Variants in CEACAM7 observed in about 807,000 individuals in gnomAD.
CEACAM7 encodes the protein cell adhesion molecule CEACAM7.
Under a neutral mutation model 25.7 loss-of-function variants are expected in CEACAM7, and 24 were observed. The observed-to-expected ratio is 0.93, with a 90% confidence interval of 0.68 to 1.31. The LOEUF (loss-of-function observed/expected upper bound fraction) is 1.31. Ranked by LOEUF, CEACAM7 falls within the 40% of genes most tolerant of loss-of-function variation. The probability of loss-of-function intolerance (pLI) is 0.00; values close to 1 mark genes in which losing one functional copy is unlikely to be tolerated. For missense variants in CEACAM7, 324 were observed against 330.1 expected (o/e 0.98, Z 0.14); for synonymous variants, 144 against 129.4 (o/e 1.11, Z -0.77).
chr19:41,684,683 T>C (rs782400610), intron 2 of CEACAM7, among the ~76,000 whole-genome samples: 9 of 151,924 alleles, frequency 5.9e-5, no homozygotes, highest in Non-Finnish European at 1.0e-4. Flanking sequence ...CAGAAGAAGA[T>C]AGAGAAAGGG....
At chr19:41,676,747 A>G (rs1165594003) in intron 4 of CEACAM7, among the ~76,000 whole-genome samples, 1 of 152,202 alleles carries the variant, frequency 6.6e-6, no homozygotes, top group African/African-American at 2.4e-5. Flanking sequence ...TAACTCCACA[A>G]TGCAGGTGGT....
intron 2 of CEACAM7, among the ~76,000 whole-genome samples, chr19:41,685,311 C>CT (rs1174013598): frequency 9.4e-5 from 14 of 149,224 alleles, no homozygotes; most frequent in South Asian, 2.1e-4. Flanking sequence ...TGGGTGGCTT[C>CT]TTTTTTTTTT....
At chr19:41,677,335 C>G in intron 4 of CEACAM7, 41 bp downstream of exon 4, 1 of 1,084,408 alleles carries the variant, frequency 9.2e-7, no homozygotes, top group Non-Finnish European at 1.4e-6. Context: ...GGCAGTCAGC[C>G]CTGCAGGAAA....
At position 41,687,197 on chromosome 19, in the gene CEACAM7, A is replaced by G; in HGVS notation, c.89T>C (p.Leu30Pro). 1 of 1,605,880 alleles carries G rather than the reference A, an allele frequency of 6.2e-7. No individual in the cohort carries two copies. Among genetic ancestry groups the G allele is most frequent in the Non-Finnish European group, 8.5e-7 (1 of 1,175,256 alleles). ...LTASLLTFWN[L>P]PNSAQTNIDV... The stretch of plus-strand genomic sequence containing the variant: ...AATATTGGTCTGGGCACTGTTTGGC[A>G]GGTTCCAGAAGGTTAAAAGCGAGGC... Residue 30 changes from leucine to proline, a missense_variant, in exon 2 of 5, where the codon CTG (leucine) becomes CCG (proline). Physicochemically the swap from Leu to Pro is moderately conservative, Grantham distance 98 (BLOSUM62 -3). Coordinates refer to ENST00000401731, the MANE Select transcript of CEACAM7 (RefSeq NM_001291485.2).
chr19:41,681,643 A>T (rs1555810713), intron 3 of CEACAM7, among the ~76,000 whole-genome samples: 1 of 152,212 alleles, frequency 6.6e-6, no homozygotes, highest in African/African-American at 2.4e-5. Context: ...TTACACACTC[A>T]TGAGACTCAA....
intron 3 of CEACAM7, among the ~76,000 whole-genome samples, chr19:41,683,493 C>A (rs1555810866): frequency 6.6e-6 from 1 of 152,218 alleles, no homozygotes; most frequent in Non-Finnish European, 1.5e-5. Flanking sequence ...AATCACAATC[C>A]TGAAGTCCCA....
chr19:41,683,078 T>C (rs1003947238), intron 3 of CEACAM7, among the ~76,000 whole-genome samples: 2 of 152,216 alleles, frequency 1.3e-5, no homozygotes, highest in Non-Finnish European at 2.9e-5. Context: ...TTTTTTCAGC[T>C]CTTCCTTAAC....
chr19:41,688,044 A>G, intron 1 of CEACAM7, 58 bp downstream of exon 1: 3 of 1,507,906 alleles, frequency 2.0e-6, no homozygotes, highest in Non-Finnish European at 2.7e-6. Flanking sequence ...TCCCAAGGAG[A>G]CCCCAGCCAG....
At chr19:41,678,315 ATATGTATATG>A (rs2072137398) in intron 3 of CEACAM7, among the ~76,000 whole-genome samples, 12 of 34,140 alleles carry the variant, frequency 3.5e-4, no homozygotes, top group African/African-American at 7.2e-4. Context: ...TCTCCCATGT[ATATGTATATG>A]TATATGTATA....
intron 3 of CEACAM7, among the ~76,000 whole-genome samples, chr19:41,678,550 C>T (rs1374447829): frequency 6.6e-6 from 1 of 151,992 alleles, no homozygotes; most frequent in Non-Finnish European, 1.5e-5. Context: ...GTGTCAGGCC[C>T]TGTGTTAAAT....
At chr19:41,675,401 CA>C (rs2072104384) in intron 4 of CEACAM7, among the ~76,000 whole-genome samples, 1 of 152,134 alleles carries the variant, frequency 6.6e-6, no homozygotes, top group Admixed American at 6.5e-5. Context: ...AAAGAATCAT[CA>C]AAACTTCAAC....
At chr19:41,684,143 A>G in intron 2 of CEACAM7, 80 bp from the exon 3 acceptor site, 2 of 1,498,154 alleles carry the variant, frequency 1.3e-6, no homozygotes, top group East Asian at 2.3e-5. Flanking sequence ...CAGAGTTGGC[A>G]TCTCCCACCT....
At chr19:41,677,554 A>G (rs1309775954) in intron 3 of CEACAM7, 51 bp from the exon 4 acceptor site, 5 of 1,404,386 alleles carry the variant, frequency 3.6e-6, no homozygotes, top group Non-Finnish European at 5.0e-6. Context: ...TTTTACAGGG[A>G]AGTCCCCCAG....
chr19:41,680,166 G>A (rs1242354503), intron 3 of CEACAM7, among the ~76,000 whole-genome samples: 1 of 150,872 alleles, frequency 6.6e-6, no homozygotes, highest in Non-Finnish European at 1.5e-5. Flanking sequence ...AATCTGAAAA[G>A]AAATTAAGAA....
At chr19:41,684,915 G>A (rs1361513333) in intron 2 of CEACAM7, among the ~76,000 whole-genome samples, 1 of 152,224 alleles carries the variant, frequency 6.6e-6, no homozygotes, top group African/African-American at 2.4e-5. Context: ...CACAACAAGA[G>A]TTTGATCAAA....
rs782720655 is a variant in CEACAM7 at position 41,688,089 on chromosome 19, G to A, written c.64+13C>T. 3.1e-6 allele frequency: 5 copies of A among 1,607,320 alleles called. No individual in the cohort carries two copies. The Admixed American group carries it at 5.0e-5, about 16-fold the overall frequency. ...CCCTCCTCCCACCCACTCCCAGGAA[G>A]TCCTCCCCTCACCTGTGAGCAGGAG... On this transcript the variant is annotated intron_variant, in intron 1 of 4. Transcript: ENST00000401731.
At chr19:41,681,167 G>T (rs1268338322) in intron 3 of CEACAM7, among the ~76,000 whole-genome samples, 1 of 152,170 alleles carries the variant, frequency 6.6e-6, no homozygotes, top group Non-Finnish European at 1.5e-5. Context: ...CACATGCAAA[G>T]ATGCTAAACA....
chr19:41,681,687 A>G (rs1281456114), intron 3 of CEACAM7, among the ~76,000 whole-genome samples: 4 of 152,232 alleles, frequency 2.6e-5, no homozygotes, highest in African/African-American at 9.6e-5. Context: ...AATGAACCTT[A>G]AAGACGTTAT....
In CEACAM7 at chr19:41,687,366, T is replaced by A. The variant is rs548256037; in HGVS notation, c.65-145A>T. ...GTGTGTGTGTGTCCTACTGGATCAA[T>A]GTCAGCAGCATGTCCCCTATCAGCA... is the stretch of plus-strand genomic sequence containing the variant. On this transcript the variant is annotated intron_variant, in intron 1 of 4. Transcript: ENST00000401731. 3.6e-5 allele frequency: 29 copies of A among 799,272 alleles called. No individual in the cohort carries two copies. The East Asian group carries it at 6.7e-4, about 18-fold the overall frequency. 49.5% of individuals were successfully genotyped at this position (799,272 alleles called of 1,614,324 possible).
Sources: gnomAD v4.1 joint callset for allele counts (sites outside exome capture counted in the v4.1 genomes callset) on GRCh38, gnomAD v4.1.1 for gene constraint, MANE v1.5 for transcripts, NCBI Gene and HGNC (gene_info 2026-07-23, HGNC 2026-07-21) for gene names.